The following KIAA1958 variants were observed in gnomAD, a reference collection of about 807,000 sequenced individuals.
KIAA1958 encodes uncharacterized protein KIAA1958.
KIAA1958 carries 14 observed loss-of-function variants against 47.2 expected under a neutral mutation model. The ratio of observed to expected loss-of-function variants is 0.30; its 90% CI spans 0.20 to 0.46. The LOEUF is 0.46. KIAA1958 is among the 20% of genes least tolerant of loss of function. The probability of loss-of-function intolerance (pLI) is 1.00; values close to 1 mark genes in which losing one functional copy is unlikely to be tolerated. For synonymous variants in KIAA1958, 354 were observed against 353.3 expected (o/e 1.00, Z -0.02); for missense variants, 803 against 909.2 (o/e 0.88, Z 1.50).
chr9:112,649,280 C>T (rs1164498087), intron 3 of KIAA1958, among the ~76,000 whole-genome samples: 1 of 151,932 alleles, frequency 6.6e-6, no homozygotes, highest in Non-Finnish European at 1.5e-5. Context: ...ACCTCAGCCT[C>T]CTGAGTAGCT....
At chr9:112,557,531 T>C (rs1056681917) in intron 1 of KIAA1958, among the ~76,000 whole-genome samples, 15 of 152,210 alleles carry the variant, frequency 9.9e-5, no homozygotes, top group African/African-American at 3.6e-4. Context: ...TACTGAGATA[T>C]TAATTAGGGA....
intron 2 of KIAA1958, among the ~76,000 whole-genome samples, chr9:112,643,807 G>A (rs751123391): frequency 6.6e-6 from 1 of 152,160 alleles, no homozygotes; most frequent in Admixed American, 6.5e-5. Flanking sequence ...GAATAAGGGA[G>A]TGGAGTGAGT....
At chr9:112,636,412 A>G (rs776782673) in intron 2 of KIAA1958, among the ~76,000 whole-genome samples, 34 of 151,990 alleles carry the variant, frequency 2.2e-4, no homozygotes, top group Non-Finnish European at 4.3e-4. Flanking sequence ...TGATATTTGC[A>G]TTGTTCACAT....
chr9:112,558,998 A>G (rs774574183), intron 1 of KIAA1958, among the ~76,000 whole-genome samples: 1 of 152,250 alleles, frequency 6.6e-6, no homozygotes, highest in African/African-American at 2.4e-5. Context: ...AAGAAAATAC[A>G]TGCCTGCATG....
chr9:112,599,245 A>T (rs1836087937), intron 2 of KIAA1958, among the ~76,000 whole-genome samples: 1 of 152,160 alleles, frequency 6.6e-6, no homozygotes, highest in African/African-American at 2.4e-5. Flanking sequence ...CTTTTATGAT[A>T]AAACTAATGA....
chr9:112,598,731 A>G (rs1396701592), intron 2 of KIAA1958, among the ~76,000 whole-genome samples: 1 of 152,186 alleles, frequency 6.6e-6, no homozygotes, highest in Non-Finnish European at 1.5e-5. Context: ...AGAAAACTGA[A>G]GTGTATAATT....
chr9:112,640,022 C>T lies in KIAA1958; in HGVS notation c.1172-5628C>T, dbSNP rs375713890. ...TTTGTGTCAGAGAACTTGAATAATC[C>T]ATGTTATCTGTAGGCCTATTTGTAT... On this transcript the variant is annotated intron_variant, in intron 2 of 3. Transcript: ENST00000337530. Among the ~76,000 whole-genome samples, 199 of 152,140 alleles carry T rather than the reference C, an allele frequency of 1.3e-3. 1 individual carries two copies. The highest frequency in any genetic ancestry group is 4.5e-3 in the African/African-American group (188 of 41,508).
At chr9:112,492,197 C>G (rs186962346) in intron 1 of KIAA1958, among the ~76,000 whole-genome samples, 66 of 152,296 alleles carry the variant, frequency 4.3e-4, no homozygotes, top group Non-Finnish European at 2.9e-5. Context: ...TCTGACAATT[C>G]TGGAGGCTAG....
chr9:112,538,779 A>G (rs1834895326), intron 1 of KIAA1958, among the ~76,000 whole-genome samples: 3 of 152,228 alleles, frequency 2.0e-5, no homozygotes, highest in Admixed American at 1.3e-4. Context: ...TAACAGTACT[A>G]TATTAATATA....
intron 2 of KIAA1958, among the ~76,000 whole-genome samples, chr9:112,580,325 C>T (rs971331743): frequency 6.6e-6 from 1 of 151,724 alleles, no homozygotes; most frequent in Non-Finnish European, 1.5e-5. Context: ...AGAGTTGTTA[C>T]GTGTTTTATT....
intron 2 of KIAA1958, among the ~76,000 whole-genome samples, chr9:112,594,942 C>A (rs558976158): frequency 6.6e-6 from 1 of 152,066 alleles, no homozygotes; most frequent in Non-Finnish European, 1.5e-5. Context: ...GAAGTGGTAC[C>A]TCATTGTGGT....
intron 1 of KIAA1958, among the ~76,000 whole-genome samples, chr9:112,520,250 G>A (rs1834514477): frequency 6.6e-6 from 1 of 152,230 alleles, no homozygotes; most frequent in African/African-American, 2.4e-5. Flanking sequence ...TCAGTCTTTA[G>A]CACTGGCTTT....
intron 1 of KIAA1958, among the ~76,000 whole-genome samples, chr9:112,567,857 C>T (rs1174344226): frequency 6.8e-6 from 1 of 148,052 alleles, no homozygotes; most frequent in African/African-American, 2.5e-5. Flanking sequence ...ACTTGGGAGG[C>T]TGAGGCAGGA....
intron 2 of KIAA1958, among the ~76,000 whole-genome samples, chr9:112,631,751 T>C (rs1208748082): frequency 6.6e-6 from 1 of 152,162 alleles, no homozygotes; most frequent in Non-Finnish European, 1.5e-5. Flanking sequence ...TACAAAAATA[T>C]ACTTCAAAAA....
Position 112,604,729 on chromosome 9 carries a change from C to G in KIAA1958, c.1171+29478C>G, listed in dbSNP as rs371410351. On this transcript the variant is annotated intron_variant, in intron 2 of 3. Coordinates refer to ENST00000337530, the MANE Select transcript of KIAA1958 (RefSeq NM_133465.4). ...AAAACCATGCATGTCCAGAAGTTCT[C>G]CCCTTCTTATCATACTCAAGTGAAA... is the stretch of plus-strand genomic sequence containing the variant. Among the ~76,000 whole-genome samples the G allele has an allele frequency of 2.7e-4, 41 of 152,016 alleles. 1 individual carries two copies. The East Asian group carries it at 7.7e-3, about 29-fold the overall frequency.
rs2131217035 is a variant in KIAA1958 at position 112,618,521 on chromosome 9, A to G, written c.1172-27129A>G. ...GGGGACAGACTCCCGTGTGTATGCC[A>G]CCCAGCACGCCCCACAGACCTGCCC... On this transcript the variant is annotated intron_variant, in intron 2 of 3. Transcript: ENST00000337530. This position sits in a 1 kb window ranked among gnomAD's most constrained non-coding sequence, Gnocchi z 7.1. The G allele has an allele frequency of 6.4e-7, 1 of 1,550,722 alleles. No homozygotes were observed. The highest frequency in any genetic ancestry group is 2.4e-5 in the East Asian group (1 of 40,914).
Position 112,566,754 on chromosome 9 carries a change from A to C in KIAA1958, c.-24-7303A>C, listed in dbSNP as rs186556276. Among the ~76,000 whole-genome samples, 5 of 152,150 alleles carry C rather than the reference A, an allele frequency of 3.3e-5. No individual in the cohort carries two copies. In the East Asian group the frequency reaches 9.6e-4, roughly 29 times the overall value. ...TATGTTATTTTTATGATGTCAAATC[A>C]GGAGGACTTTTGTTTTAAAATTATT... On this transcript the variant is annotated intron_variant, in intron 1 of 3. Transcript: ENST00000337530.
intron 2 of KIAA1958, among the ~76,000 whole-genome samples, chr9:112,629,054 A>G (rs75919595): frequency 0.023 from 3,484 of 152,294 alleles, 151 homozygotes; most frequent in African/African-American, 0.08. Context: ...TGAATGCTGT[A>G]TTCAACAAGG....
At position 112,575,218 on chromosome 9, in the gene KIAA1958, A is replaced by G. The variant is rs896366253; in HGVS notation, c.1138A>G (p.Ile380Val). ...SQQQPPVAPA[I>V]TTEATAQCIP... ...GCAGCAGCCCCCAGTCGCTCCAGCC[A>G]TAACCACTGAGGCCACAGCACAGTG... The change falls in exon 2 of 4, where the codon ATA becomes GTA. Residue 380 changes from isoleucine (I) to valine (V), a missense_variant. By Grantham distance (29) the Ile-to-Val change is conservative. Transcript: ENST00000337530. The G allele has an allele frequency of 2.5e-6, 4 of 1,572,496 alleles. No homozygotes were observed. The highest frequency in any genetic ancestry group is 2.4e-5 in the South Asian group (2 of 84,652).
Sources: allele counts gnomAD v4.1 joint callset (sites outside exome capture counted in the v4.1 genomes callset), GRCh38; gene constraint gnomAD v4.1.1; non-coding constraint Gnocchi (gnomAD v3.1); transcripts MANE v1.5; gene names NCBI Gene and HGNC (gene_info 2026-07-23, HGNC 2026-07-21).